GJA3: variants seen among roughly 807,000 people sequenced by gnomAD.
GJA3 encodes the protein gap junction protein alpha 3.
For missense variants in GJA3, 571 were observed against 620.3 expected (o/e 0.92, Z 0.84); for synonymous variants, 297 against 292.6 (o/e 1.02, Z -0.15).
Position 20,160,971 on chromosome 13 carries a change from G to C in GJA3, c.-99C>G, listed in dbSNP as rs1323521692. 6.6e-6 allele frequency: 1 copy of C among 152,188 alleles called. No individual in the cohort carries two copies. The highest frequency in any genetic ancestry group is 1.9e-4 in the East Asian group (1 of 5,168). 9.4% of individuals were successfully genotyped at this position (152,188 alleles called of 1,614,324 possible). A position where few individuals can be genotyped will look rare whatever the true frequency, so the allele number is the denominator to read the frequency against. On this transcript the variant is annotated 5_prime_UTR_variant, in exon 1 of 2. Coordinates refer to ENST00000241125, the MANE Select transcript of GJA3 (RefSeq NM_021954.4). The stretch of plus-strand genomic sequence containing the variant: ...GCTCTGAAAAGAATTCCTTTCACAC[G>C]TGCGGTGCTGCTTCACGCGTGCGCC...
chr13:20,148,611 G>C (rs1018130621), intron 1 of GJA3, among the ~76,000 whole-genome samples: 3 of 152,182 alleles, frequency 2.0e-5, no homozygotes, highest in African/African-American at 7.2e-5. Context: ...GAAATCAGCA[G>C]AGAGTTGCAC....
At position 20,142,958 on chromosome 13, in the gene GJA3, C is replaced by CTTTCTTCTTCTTTTTCTTT. The variant is rs1300755863; in HGVS notation, c.330_331insAAAGAAAAAGAAGAAGAAA (p.Glu111LysfsTer221). 6.3e-7 allele frequency: 1 copy of CTTTCTTCTTCTTTTTCTTT among 1,580,194 alleles called. No individual in the cohort carries two copies. The highest frequency in any genetic ancestry group is 8.6e-7 in the Non-Finnish European group (1 of 1,163,170). On this transcript the variant is annotated frameshift_variant, in exon 2 of 2. Transcript: ENST00000241125. LOFTEE classifies it low-confidence loss of function (END_TRUNC). ...CTCTCTCTCTTCAGCTGCTCCTCCTCCTCCCTCTCTTTCTTCTTCTCTTCC... is the reference window on the plus strand; with the variant it reads ...CTCTCTCTCTTCAGCTGCTCCTCCTCTTTCTTCTTCTTTTTCTTTCTCCCTCTCTTTCTTCTTCTCTTCC...
intron 1 of GJA3, among the ~76,000 whole-genome samples, chr13:20,155,903 TG>T (rs1252946501): frequency 6.6e-6 from 1 of 152,124 alleles, no homozygotes; most frequent in East Asian, 1.9e-4. Context: ...CAGAGATATG[TG>T]GGTTCTATTC....
chr13:20,142,294 G>C lies in GJA3; in HGVS notation c.995C>G (p.Ala332Gly). ...LMTEQNWANQ[A>G]AERQPPALKA... ...GAGCGCCGGGGGCTGCCGCTCGGCC[G>C]CCTGGTTGGCCCAGTTCTGCTCAGT... The change falls in exon 2 of 2, where the codon GCG becomes GGG. Residue 332 changes from alanine to glycine, a missense_variant. Physicochemically the swap from Ala to Gly is moderately conservative, Grantham distance 60 (BLOSUM62 0). Transcript: ENST00000241125. 6.4e-7 allele frequency: 1 copy of C among 1,569,062 alleles called. No homozygotes were observed. Among genetic ancestry groups the C allele is most frequent in the African/African-American group, 1.4e-5 (1 of 72,398 alleles).
chr13:20,143,057 A>G lies in GJA3; in HGVS notation c.232T>C (p.Trp78Arg). Reference protein sequence around the residue: ...RAFPISHIRFWALQIIFVSTP... With the variant: ...RAFPISHIRFRALQIIFVSTP... ...GACACGAAGATGATCTGCAGCGCCC[A>G]GAAGCGGATGTGGGAGATGGGGAAG... The change falls in exon 2 of 2, where the codon TGG becomes CGG. Residue 78 changes from tryptophan (W) to arginine (R), a missense_variant. Trp to Arg is a moderately radical substitution (Grantham distance 101). Coordinates refer to ENST00000241125, the MANE Select transcript of GJA3 (RefSeq NM_021954.4). 1 of 1,613,878 alleles carries G rather than the reference A, an allele frequency of 6.2e-7. No individual in the cohort carries two copies. The highest frequency in any genetic ancestry group is 8.5e-7 in the Non-Finnish European group (1 of 1,179,898).
chr13:20,147,697 G>A (rs192093155), intron 1 of GJA3, among the ~76,000 whole-genome samples: 1 of 152,152 alleles, frequency 6.6e-6, no homozygotes, highest in Non-Finnish European at 1.5e-5. Context: ...AAAGATAGAT[G>A]ACCATAGCTT....
rs1958795995 is a variant in GJA3, at chr13:20,139,632, A to G, written c.*2349T>C. On this transcript the variant is annotated 3_prime_UTR_variant, in exon 2 of 2. Coordinates refer to ENST00000241125, the MANE Select transcript of GJA3 (RefSeq NM_021954.4). ...AGGCACTGTTCTATTGCAAAACCTC[A>G]CTTCTTTATAGATTAGTGATTTTCA... is the stretch of plus-strand genomic sequence containing the variant. 6.6e-6 allele frequency: 1 copy of G among 152,144 alleles called. No individual in the cohort carries two copies. Among genetic ancestry groups the G allele is most frequent in the Non-Finnish European group, 1.5e-5 (1 of 68,024 alleles). The allele number at this position is 152,144 out of a possible 1,614,324, so 9.4% of individuals were successfully genotyped here.
intron 1 of GJA3, among the ~76,000 whole-genome samples, chr13:20,146,056 TA>T (rs746371688): frequency 1.3e-5 from 2 of 152,062 alleles, no homozygotes; most frequent in Non-Finnish European, 2.9e-5. Context: ...AGTAGCTGGG[TA>T]ATGTGCTTTC....
chr13:20,158,640 G>A (rs1376788514), intron 1 of GJA3, among the ~76,000 whole-genome samples: 5 of 151,822 alleles, frequency 3.3e-5, no homozygotes, highest in African/African-American at 7.3e-5. Context: ...GGCTGGGCGC[G>A]GTGGCTCACG....
At chr13:20,146,127 C>A (rs960723894) in intron 1 of GJA3, among the ~76,000 whole-genome samples, 9 of 152,244 alleles carry the variant, frequency 5.9e-5, no homozygotes, top group Non-Finnish European at 1.5e-5. Context: ...CAGCCTCATA[C>A]TTGCTCCAGC....
chr13:20,156,030 C>T (rs914039412), intron 1 of GJA3, among the ~76,000 whole-genome samples: 1 of 151,940 alleles, frequency 6.6e-6, no homozygotes, highest in Non-Finnish European at 1.5e-5. Flanking sequence ...TAAGTCATTG[C>T]TAGGATTATA....
rs371210513 is a variant in GJA3, at chr13:20,142,992, G to C, written c.297C>G (p.Ile99Met). ...TLIYLGHVLHIVRMEEKKKER... is the reference protein window; with the variant it reads ...TLIYLGHVLHMVRMEEKKKER... ...CTTTCTTCTTCTCTTCCATGCGCAC[G>C]ATGTGCAGCACGTGGCCCAGGTAGA... Residue 99 changes from isoleucine to methionine, a missense_variant, in exon 2 of 2, where the codon ATC becomes ATG. Ile to Met is a conservative substitution (Grantham distance 10, BLOSUM62 1). Transcript: ENST00000241125. The C allele has an allele frequency of 1.9e-6, 3 of 1,602,104 alleles. No individual in the cohort carries two copies. Among genetic ancestry groups the C allele is most frequent in the African/African-American group, 2.7e-5 (2 of 74,558 alleles).
Position 20,142,722 on chromosome 13 carries a change from C to A in GJA3, c.567G>T (p.Thr189=), listed in dbSNP as rs1342482257. 2 of 1,613,918 alleles carry A rather than the reference C, an allele frequency of 1.2e-6. No homozygotes were observed. Among genetic ancestry groups the A allele is most frequent in the South Asian group, 2.2e-5 (2 of 91,082 alleles). The change falls in exon 2 of 2, where the codon ACG becomes ACT. Residue 189 remains threonine, a synonymous_variant. Transcript: ENST00000241125. The part of the protein sequence containing the change: ...YRCDRWPCPN[T]VDCFISRPTE... The stretch of plus-strand genomic sequence containing the variant: ...TGGGCCTGGAGATGAAGCAGTCCAC[C>A]GTGTTGGGGCAGGGCCAGCGGTCGC...
At chr13:20,151,663 C>A (rs1324990616) in intron 1 of GJA3, among the ~76,000 whole-genome samples, 5 of 152,068 alleles carry the variant, frequency 3.3e-5, no homozygotes, top group Non-Finnish European at 7.4e-5. Context: ...CAGTTAGGGG[C>A]ATCCCTCGTG....
chr13:20,153,611 C>T lies in GJA3; in HGVS notation c.-18+7279G>A, dbSNP rs142212906. 3.5e-3 allele frequency among the ~76,000 whole-genome samples: 534 copies of T among 152,130 alleles called. 2 individuals carry two copies. Among genetic ancestry groups the T allele is most frequent in the African/African-American group, 0.012 (482 of 41,520 alleles). On this transcript the variant is annotated intron_variant, in intron 1 of 1. Coordinates refer to ENST00000241125, the MANE Select transcript of GJA3 (RefSeq NM_021954.4). Reference sequence around the variant, plus strand: ...GAACACTTGGACACAGGGTGGGGAACATCACACACTGGGGCCTGTTGTGGG... The same window carrying T: ...GAACACTTGGACACAGGGTGGGGAATATCACACACTGGGGCCTGTTGTGGG...
chr13:20,143,480 A>C (rs1393441793), intron 1 of GJA3, among the ~76,000 whole-genome samples, 175 bp from the exon 2 acceptor site: 1 of 152,232 alleles, frequency 6.6e-6, no homozygotes, highest in African/African-American at 2.4e-5. Context: ...ACACAAGTGC[A>C]AGCGTCCATG....
Position 20,138,482 on chromosome 13 carries a change from A to G in GJA3, c.*3499T>C, listed in dbSNP as rs1395980224. The G allele has an allele frequency of 6.6e-6, 1 of 152,196 alleles. No individual in the cohort carries two copies. The highest frequency in any genetic ancestry group is 2.4e-5 in the African/African-American group (1 of 41,454). The allele number at this position is 152,196 out of a possible 1,614,324, so 9.4% of individuals were successfully genotyped here. On this transcript the variant is annotated 3_prime_UTR_variant, in exon 2 of 2. Transcript: ENST00000241125. ...ATCCCTAACTTGTTTGCCTTATTAT[A>G]ATGTTCTGTAACGTAAAGGGGAAAA...
Position 20,142,153 on chromosome 13 carries a change from C to T in GJA3, c.1136G>A (p.Gly379Asp), listed in dbSNP as rs1958811300. ...CAGGGCGCTCCCCTCCAGACTGCTG[C>T]CGCTCCCATCCAGCAGCAGGGGCGC... ...GAAPLLLDGS[G>D]SSLEGSALAG... Residue 379 changes from glycine (G) to aspartate (D), a missense_variant, in exon 2 of 2, where the codon GGC becomes GAC. Physicochemically the swap from Gly to Asp is moderately conservative, Grantham distance 94. Coordinates refer to ENST00000241125, the MANE Select transcript of GJA3 (RefSeq NM_021954.4). The T allele has an allele frequency of 1.3e-6, 2 of 1,524,038 alleles. No individual in the cohort carries two copies. The highest frequency in any genetic ancestry group is 1.4e-5 in the African/African-American group (1 of 71,604). The allele number at this position is 1,524,038 out of a possible 1,614,324, so 94.4% of individuals were successfully genotyped here. A position where few individuals can be genotyped will look rare whatever the true frequency, so the allele number is the denominator to read the frequency against.
At chr13:20,154,529 C>T (rs1210508706) in intron 1 of GJA3, among the ~76,000 whole-genome samples, 1 of 152,142 alleles carries the variant, frequency 6.6e-6, no homozygotes, top group Non-Finnish European at 1.5e-5. Context: ...TCTTCCTTTC[C>T]TAAGTCTAAT....
Sources: allele counts gnomAD v4.1 joint callset (sites outside exome capture counted in the v4.1 genomes callset), GRCh38; gene constraint gnomAD v4.1.1; transcripts MANE v1.5; gene names NCBI Gene and HGNC (gene_info 2026-07-23, HGNC 2026-07-21).